RFC4: variants seen among roughly 807,000 people sequenced by gnomAD.
RFC4 encodes the protein A1 37 kDa subunit.
A neutral mutation model predicts 47.6 loss-of-function variants in RFC4; 38 were observed. That is an observed-to-expected ratio of 0.80 (90% CI 0.62 to 1.05). The LOEUF is 1.05. Ranked by LOEUF, RFC4 falls within the 50% of genes least tolerant of loss-of-function variation. The pLI is 0.00. For synonymous variants in RFC4, 164 were observed against 150.0 expected (o/e 1.09, Z -0.68); for missense variants, 489 against 434.0 (o/e 1.13, Z -1.13).
intron 2 of RFC4, among the ~76,000 whole-genome samples, chr3:186,801,730 A>AAAAAAAAAAAAAAAAG (rs1348449105): frequency 6.7e-6 from 1 of 149,832 alleles, no homozygotes; most frequent in African/African-American, 2.5e-5. Context: ...AAAAAAAAAA[A>AAAAAAAAAAAAAAAAG]AGAAATTAAA....
At chr3:186,795,810 CAAAT>C (rs1171964873) in intron 4 of RFC4, among the ~76,000 whole-genome samples, 1 of 151,808 alleles carries the variant, frequency 6.6e-6, no homozygotes, top group Non-Finnish European at 1.5e-5. Context: ...AATAAATAAA[CAAAT>C]AAATAAATAA....
chr3:186,802,624 A>T (rs545560858), intron 2 of RFC4, among the ~76,000 whole-genome samples: 1 of 152,338 alleles, frequency 6.6e-6, no homozygotes, highest in Non-Finnish European at 1.5e-5. Flanking sequence ...GCTAGAACAA[A>T]GTTACACTTC....
intron 2 of RFC4, among the ~76,000 whole-genome samples, chr3:186,804,289 G>A (rs926560920): frequency 2.0e-5 from 3 of 152,140 alleles, no homozygotes; most frequent in African/African-American, 4.8e-5. Flanking sequence ...AGTATTTATA[G>A]CCAGTTTACA....
chr3:186,792,622 G>T lies in RFC4; in HGVS notation c.555-12C>A, dbSNP rs781743015. 5 of 1,604,364 alleles carry T rather than the reference G, an allele frequency of 3.1e-6. No homozygotes were observed. In the African/African-American group the frequency reaches 6.7e-5, roughly 21 times the overall value. On this transcript the variant is annotated splice_polypyrimidine_tract_variant and intron_variant, in intron 6 of 10. Transcript: ENST00000296273. Reference sequence around the variant, plus strand: ...GGGGTTCAATTATTCTGTGGAAGATGAGAAAAACCAAGTTGGTGTCTAAAG... The same window carrying T: ...GGGGTTCAATTATTCTGTGGAAGATTAGAAAAACCAAGTTGGTGTCTAAAG...
chr3:186,800,114 C>A (rs1470470025), intron 3 of RFC4, among the ~76,000 whole-genome samples: 6 of 152,010 alleles, frequency 3.9e-5, no homozygotes, highest in Non-Finnish European at 8.8e-5. Context: ...TGCCACCACG[C>A]CTGGCTACTT....
intron 2 of RFC4, chr3:186,801,409 T>G: frequency 1.8e-6 from 1 of 565,264 alleles, no homozygotes; most frequent in South Asian, 2.2e-5. Flanking sequence ...TTTTACTTCC[T>G]TTCTGCATTG....
chr3:186,790,457 A>AG, intron 8 of RFC4, 51 bp from the exon 9 acceptor site: 1 of 1,304,648 alleles, frequency 7.7e-7, no homozygotes, highest in East Asian at 2.3e-5. Context: ...GAGACTAGAC[A>AG]TACACTCTGC....
rs143248064 is a variant in RFC4, at chr3:186,794,340, G to A, written c.410+318C>T. Among the ~76,000 whole-genome samples, 165 of 152,216 alleles carry A rather than the reference G, an allele frequency of 1.1e-3. 3 individuals carry two copies. The East Asian group carries it at 0.013, about 12-fold the overall frequency. ...ATAAAAATACATTAGGTGCTATAGC[G>A]GTTGTGACTGACTGCACCATCAATT... is the stretch of plus-strand genomic sequence containing the variant. On this transcript the variant is annotated intron_variant, in intron 5 of 10. Transcript: ENST00000296273.
At chr3:186,805,182 C>T (rs1347709776) in intron 1 of RFC4, among the ~76,000 whole-genome samples, 2 of 152,132 alleles carry the variant, frequency 1.3e-5, no homozygotes, top group Non-Finnish European at 2.9e-5. Context: ...AAATGAGAAC[C>T]TTCACTCCTT....
chr3:186,792,918 A>G lies in RFC4; in HGVS notation c.440T>C (p.Val147Ala), dbSNP rs1284593334. The G allele has an allele frequency of 1.9e-6, 3 of 1,613,914 alleles. No individual in the cohort carries two copies. Among genetic ancestry groups the G allele is most frequent in the Admixed American group, 1.7e-5 (1 of 59,942 alleles). The change falls in exon 6 of 11, where the codon GTG (valine) becomes GCG (alanine). Residue 147 changes from valine (V) to alanine (A), a missense_variant. Transcript: ENST00000296273. ...DGKPCPPFKI[V>A]ILDEADSMTS... is the part of the protein sequence containing the mutation. ...CATAGAATCTGCTTCATCCAGAATC[A>G]CAATCTTAAAAGGCGGACACGGCTT...
intron 3 of RFC4, among the ~76,000 whole-genome samples, chr3:186,800,002 G>T (rs961698326): frequency 4.6e-5 from 7 of 151,996 alleles, no homozygotes; most frequent in African/African-American, 1.4e-4. Flanking sequence ...CACCCAGGCT[G>T]GAGTACAGTG....
Position 186,793,376 on chromosome 3 carries a change from C to T in RFC4, c.411-429G>A, listed in dbSNP as rs1444299350. 6.6e-6 allele frequency among the ~76,000 whole-genome samples: 1 copy of T among 152,186 alleles called. No individual in the cohort carries two copies. Among genetic ancestry groups the T allele is most frequent in the South Asian group, 2.1e-4 (1 of 4,832 alleles). ...TGTCAAATACTATGGCAAATAGATA[C>T]ACCACATTTATTCATCCATTAATCG... is the stretch of plus-strand genomic sequence containing the variant. On this transcript the variant is annotated intron_variant, in intron 5 of 10. Coordinates refer to ENST00000296273, the MANE Select transcript of RFC4 (RefSeq NM_002916.5). This position sits in a 1 kb window ranked among gnomAD's most constrained non-coding sequence, Gnocchi z 4.2.
At chr3:186,795,806 T>G (rs1047003650) in intron 4 of RFC4, among the ~76,000 whole-genome samples, 1 of 151,806 alleles carries the variant, frequency 6.6e-6, no homozygotes, top group African/African-American at 2.4e-5. Context: ...AATAAATAAA[T>G]AAACAAATAA....
At chr3:186,794,868 C>T in intron 4 of RFC4, 91 bp from the exon 5 acceptor site, 1 of 1,395,536 alleles carries the variant, frequency 7.2e-7, no homozygotes, top group South Asian at 1.3e-5. Context: ...CGTTTAAAAT[C>T]CACCTAGTAA....
At chr3:186,795,742 G>A (rs571208999) in intron 4 of RFC4, among the ~76,000 whole-genome samples, 4 of 152,166 alleles carry the variant, frequency 2.6e-5, no homozygotes, top group East Asian at 1.9e-4. Context: ...GCAGTGAGCC[G>A]AGATCGCACC....
rs1025151453 is a variant in RFC4 at position 186,806,386 on chromosome 3, C to T, written c.-108G>A. On this transcript the variant is annotated 5_prime_UTR_variant, in exon 1 of 11. Coordinates refer to ENST00000296273, the MANE Select transcript of RFC4 (RefSeq NM_002916.5). ...CGAGATGGTCTCGAAGTCTTAGCTCCGTCACCTAATCTGAGAATAACGGGC... is the reference window on the plus strand; with the variant it reads ...CGAGATGGTCTCGAAGTCTTAGCTCTGTCACCTAATCTGAGAATAACGGGC... 1 of 152,254 alleles carries T rather than the reference C, an allele frequency of 6.6e-6. No individual in the cohort carries two copies. Among genetic ancestry groups the T allele is most frequent in the Non-Finnish European group, 1.5e-5 (1 of 68,058 alleles). The allele number at this position is 152,254 out of a possible 1,614,324, so 9.4% of individuals were successfully genotyped here. A position where few individuals can be genotyped will look rare whatever the true frequency, so the allele number is the denominator to read the frequency against.
chr3:186,790,055 T>C lies in RFC4; in HGVS notation c.1006A>G (p.Lys336Glu). The stretch of plus-strand genomic sequence containing the variant: ...TCATCAGCACCATCTGCTAGGCATT[T>C]GTCAACTTCCTACGAGAAAAATTTA... Reference protein sequence around the residue: ...IITEKLAEVDKCLADGADEHL... With the variant: ...IITEKLAEVDECLADGADEHL... The change falls in exon 11 of 11, where the codon AAA becomes GAA. Residue 336 changes from lysine (K) to glutamate (E), a missense_variant. Physicochemically the swap from Lys to Glu is moderately conservative, Grantham distance 56 (BLOSUM62 1). This residue lies in a region of RFC4 where 283 missense variants were observed against 176.2 expected (regional missense o/e 1.61). Transcript: ENST00000296273. The C allele has an allele frequency of 3.1e-6, 5 of 1,613,574 alleles. No homozygotes were observed. The highest frequency in any genetic ancestry group is 3.4e-6 in the Non-Finnish European group (4 of 1,179,542).
chr3:186,792,549 T>C lies in RFC4; in HGVS notation c.616A>G (p.Ile206Val). ...ATGTCTAGTAATCGCTGCTGTTGAATTTTATCTGACAGAGGCTTGAAGCGG... is the reference window on the plus strand; with the variant it reads ...ATGTCTAGTAATCGCTGCTGTTGAACTTTATCTGACAGAGGCTTGAAGCGG... ...KFRFKPLSDK[I>V]QQQRLLDIAK... The change falls in exon 7 of 11, where the codon ATT becomes GTT. Residue 206 changes from isoleucine to valine, a missense_variant. Physicochemically the swap from Ile to Val is conservative, Grantham distance 29. Coordinates refer to ENST00000296273, the MANE Select transcript of RFC4 (RefSeq NM_002916.5). 1 of 1,613,868 alleles carries C rather than the reference T, an allele frequency of 6.2e-7. No individual in the cohort carries two copies. The highest frequency in any genetic ancestry group is 8.5e-7 in the Non-Finnish European group (1 of 1,179,768).
chr3:186,794,346 G>A (rs1049373398), intron 5 of RFC4, among the ~76,000 whole-genome samples: 22 of 152,180 alleles, frequency 1.4e-4, no homozygotes, highest in African/African-American at 5.3e-4. Context: ...TAGCGGTTGT[G>A]ACTGACTGCA....
Sources: gnomAD v4.1 joint callset for allele counts (sites outside exome capture counted in the v4.1 genomes callset) on GRCh38, gnomAD v4.1.1 for gene constraint, gnomAD v4.1.1 regional missense constraint, Gnocchi (gnomAD v3.1) non-coding constraint, MANE v1.5 for transcripts, NCBI Gene and HGNC (gene_info 2026-07-23, HGNC 2026-07-21) for gene names.